The following EPB41L4A variants were observed in gnomAD, a reference collection of about 807,000 sequenced individuals.
The protein encoded by EPB41L4A is band 4.1-like protein 4A.
A neutral mutation model predicts 108.6 loss-of-function variants in EPB41L4A; 100 were observed. The ratio of observed to expected loss-of-function variants is 0.92; its 90% CI spans 0.78 to 1.09. The LOEUF (loss-of-function observed/expected upper bound fraction) is 1.09, where lower values mean the gene tolerates loss of function less well. Among genes scored for constraint, EPB41L4A ranks in the 50% least tolerant of loss-of-function variants. The pLI, the probability that EPB41L4A is intolerant of heterozygous loss-of-function variation, is 0.00. For synonymous variants in EPB41L4A, 319 were observed against 289.0 expected (o/e 1.10, Z -1.05); for missense variants, 1,030 against 842.7 (o/e 1.22, Z -2.75).
At chr5:112,225,660 T>G (rs1748395365) in intron 12 of EPB41L4A, among the ~76,000 whole-genome samples, 1 of 152,216 alleles carries the variant, frequency 6.6e-6, no homozygotes, top group Admixed American at 6.5e-5. Context: ...CCTGCAAGTA[T>G]TATCTGCATG....
chr5:112,334,831 T>C (rs1322501329), intron 1 of EPB41L4A, among the ~76,000 whole-genome samples: 1 of 152,046 alleles, frequency 6.6e-6, no homozygotes, highest in African/African-American at 2.4e-5. Flanking sequence ...CCTAAACTGA[T>C]TGAGACCTAT....
intron 13 of EPB41L4A, among the ~76,000 whole-genome samples, chr5:112,208,114 C>T (rs1580434188): frequency 1.3e-5 from 2 of 151,916 alleles, no homozygotes; most frequent in East Asian, 3.9e-4. Flanking sequence ...GGAGTGGTGG[C>T]ACACGCCTGT....
intron 1 of EPB41L4A, among the ~76,000 whole-genome samples, chr5:112,390,178 A>C (rs535963165): frequency 2.0e-5 from 3 of 152,322 alleles, no homozygotes; most frequent in African/African-American, 2.4e-5. Flanking sequence ...TACCTGGTTC[A>C]TCTATTTGGG....
intron 2 of EPB41L4A, among the ~76,000 whole-genome samples, chr5:112,286,763 G>T (rs1484648073): frequency 6.6e-6 from 1 of 151,902 alleles, no homozygotes; most frequent in Non-Finnish European, 1.5e-5. Context: ...ATTGTTGGAA[G>T]AATGGTGGCT....
chr5:112,147,929 C>T (rs1432163874), intron 12 of EPB41L4A, among the ~76,000 whole-genome samples: 1 of 151,504 alleles, frequency 6.6e-6, no homozygotes. Flanking sequence ...GTCCCAGCTA[C>T]TTGGGAAGCT....
chr5:112,179,148 A>T (rs763994436), intron 18 of EPB41L4A, among the ~76,000 whole-genome samples: 5 of 152,094 alleles, frequency 3.3e-5, no homozygotes, highest in African/African-American at 2.4e-5. Context: ...ATCAAAACTT[A>T]CACATAAGTA....
chr5:112,147,076 T>C (rs1051418088), intron 12 of EPB41L4A, among the ~76,000 whole-genome samples: 1 of 152,208 alleles, frequency 6.6e-6, no homozygotes, highest in African/African-American at 2.4e-5. Flanking sequence ...TGTAATGTGC[T>C]GCTCTAAATT....
chr5:112,217,138 T>C (rs1203833979), intron 12 of EPB41L4A, among the ~76,000 whole-genome samples: 1 of 151,816 alleles, frequency 6.6e-6, no homozygotes, highest in Non-Finnish European at 1.5e-5. Context: ...GAGATGGGGT[T>C]TCACCATGTT....
chr5:112,182,910 T>A (rs1761229931), intron 18 of EPB41L4A, among the ~76,000 whole-genome samples: 1 of 152,132 alleles, frequency 6.6e-6, no homozygotes, highest in Non-Finnish European at 1.5e-5. Context: ...ACAGAGTAAT[T>A]AATACATCTG....
chr5:112,268,307 G>A (rs1481058044), intron 4 of EPB41L4A, among the ~76,000 whole-genome samples: 19 of 152,150 alleles, frequency 1.2e-4, no homozygotes, highest in Admixed American at 1.2e-3. Context: ...GAACCCAGGA[G>A]GCAGAGGTTG....
intron 9 of EPB41L4A, among the ~76,000 whole-genome samples, chr5:112,249,874 T>A (rs1236156358): frequency 6.6e-6 from 1 of 152,188 alleles, no homozygotes; most frequent in Non-Finnish European, 1.5e-5. Flanking sequence ...ATATGTACTG[T>A]GAATCTCCAA....
intron 3 of EPB41L4A, 72 bp downstream of exon 3, chr5:112,280,192 CCACTTCTG>C: frequency 8.1e-7 from 1 of 1,234,838 alleles, no homozygotes; most frequent in East Asian, 2.3e-5. Flanking sequence ...GTACTAAAGC[CCACTTCTG>C]CACCCAACTA....
intron 1 of EPB41L4A, among the ~76,000 whole-genome samples, chr5:112,316,821 T>G (rs12055369): frequency 0.11 from 17,311 of 152,206 alleles, 1,390 homozygotes; most frequent in East Asian, 0.36. Context: ...CTACCTGGGC[T>G]GAAGAACCCA....
intron 1 of EPB41L4A, among the ~76,000 whole-genome samples, chr5:112,367,602 C>G (rs1561613604): frequency 6.6e-6 from 1 of 152,128 alleles, no homozygotes; most frequent in Non-Finnish European, 1.5e-5. Flanking sequence ...AGGGAGGTGC[C>G]TTCCTTGATT....
chr5:112,278,601 A>G (rs914613237), intron 3 of EPB41L4A, among the ~76,000 whole-genome samples: 14 of 152,178 alleles, frequency 9.2e-5, no homozygotes, highest in African/African-American at 3.4e-4. Flanking sequence ...ACTGCATTAT[A>G]GACTGATACT....
chr5:112,393,321 C>CA (rs1190012197), intron 1 of EPB41L4A, among the ~76,000 whole-genome samples: 1 of 151,706 alleles, frequency 6.6e-6, no homozygotes, highest in East Asian at 1.9e-4. Context: ...TTGAAAAGAT[C>CA]AACAAAATTG....
chr5:112,230,867 G>A (rs1748865021), intron 12 of EPB41L4A, among the ~76,000 whole-genome samples: 2 of 152,134 alleles, frequency 1.3e-5, no homozygotes, highest in Non-Finnish European at 2.9e-5. Context: ...AGGTTGCAGT[G>A]AACCAAGATT....
At chr5:112,359,428 T>G (rs1561604627) in intron 1 of EPB41L4A, among the ~76,000 whole-genome samples, 1 of 152,030 alleles carries the variant, frequency 6.6e-6, no homozygotes, top group Non-Finnish European at 1.5e-5. Context: ...TTCCTAATGC[T>G]CCCCCTAAGG....
intron 1 of EPB41L4A, among the ~76,000 whole-genome samples, chr5:112,383,870 C>T (rs1760324919): frequency 6.6e-6 from 1 of 151,998 alleles, no homozygotes; most frequent in South Asian, 2.1e-4. Context: ...TAAACAATTT[C>T]CATTTGTATA....
Sources: gnomAD v4.1 joint callset for allele counts (sites outside exome capture counted in the v4.1 genomes callset) on GRCh38, gnomAD v4.1.1 for gene constraint, MANE v1.5 for transcripts, NCBI Gene and HGNC (gene_info 2026-07-23, HGNC 2026-07-21) for gene names.